GPRIN2: variants seen among roughly 807,000 people sequenced by gnomAD.
GPRIN2 encodes G protein regulated inducer of neurite outgrowth 2, also known as G protein-regulated inducer of neurite outgrowth 2.
GPRIN2 carries 1 observed loss-of-function variant against 0.3 expected under a neutral mutation model. That is an observed-to-expected ratio of 3.90 (90% CI 1.39 to 18.51). GPRIN2 has a LOEUF of 18.51. GPRIN2 is among the 30% of genes most tolerant of loss of function. GPRIN2 has a pLI of 0.11. For synonymous variants in GPRIN2, 361 were observed against 258.6 expected (o/e 1.40, Z -3.80); for missense variants, 880 against 604.2 (o/e 1.46, Z -4.79).
rs1833081377 is a variant in GPRIN2, at chr10:46,541,886, C to G, written c.*7474G>C. Among the ~76,000 whole-genome samples the G allele has an allele frequency of 6.6e-4, 100 of 152,394 alleles. No homozygotes were observed. The highest frequency in any genetic ancestry group is 2.4e-3 in the African/African-American group (99 of 41,576). ...CCTACGGTATCCCAGGTGCCAGCCC[C>G]CTGTGTCCACACCCCTGCTGGTTCC... On this transcript the variant is annotated 3_prime_UTR_variant, in exon 3 of 3. Coordinates refer to ENST00000374314, the MANE Select transcript of GPRIN2 (RefSeq NM_001385282.1).
chr10:46,543,248 C>G lies in GPRIN2; in HGVS notation c.*6112G>C, dbSNP rs7895391. On this transcript the variant is annotated 3_prime_UTR_variant, in exon 3 of 3. Transcript: ENST00000374314. Reference sequence around the variant, plus strand: ...GCCTGGTGGGGGGAATGGCCAAGACCGCAAGAAGAGAGACTACTGTATGGA... The same window carrying G: ...GCCTGGTGGGGGGAATGGCCAAGACGGCAAGAAGAGAGACTACTGTATGGA... Among the ~76,000 whole-genome samples, 8 of 152,298 alleles carry G rather than the reference C, an allele frequency of 5.3e-5. No individual in the cohort carries two copies. Among genetic ancestry groups the G allele is most frequent in the Admixed American group, 4.6e-4 (7 of 15,282 alleles).
rs1832380621 is a variant in GPRIN2, at chr10:46,550,406, C to G, written c.331G>C (p.Ala111Pro). The G allele has an allele frequency of 1.2e-5, 20 of 1,611,666 alleles. No homozygotes were observed. The highest frequency in any genetic ancestry group is 5.0e-5 in the Admixed American group (3 of 59,962). ...MGGSDLCRLR[A>P]PSAAAMQRSH... Reference sequence around the variant, plus strand: ...CTCTGCATAGCAGCAGCACTAGGGGCCCGCAGGCGACACAGGTCACTGCCG... The same window carrying G: ...CTCTGCATAGCAGCAGCACTAGGGGGCCGCAGGCGACACAGGTCACTGCCG... Residue 111 changes from alanine (A) to proline (P), a missense_variant, in exon 3 of 3, where the codon GCC becomes CCC. Ala to Pro is a conservative substitution (Grantham distance 27). Coordinates refer to ENST00000374314, the MANE Select transcript of GPRIN2 (RefSeq NM_001385282.1).
In GPRIN2 at chr10:46,550,725, G is replaced by A. The variant is rs2131587949; in HGVS notation, c.12C>T (p.Ser4=). The A allele has an allele frequency of 6.6e-7, 1 of 1,505,514 alleles. No homozygotes were observed. The highest frequency in any genetic ancestry group is 8.9e-7 in the Non-Finnish European group (1 of 1,129,060). The allele number at this position is 1,505,514 out of a possible 1,614,324, so 93.3% of individuals were successfully genotyped here. A position where few individuals can be genotyped will look rare whatever the true frequency, so the allele number is the denominator to read the frequency against. Residue 4 remains serine, a synonymous_variant, in exon 3 of 3, where the codon AGC becomes AGT. Transcript: ENST00000374314. MSS[S]RPEPGPWAPL... is the part of the protein sequence containing the mutation. ...GTGCCCAGGGACCCGGCTCGGGGCG[G>A]CTGGAGCTCATGGCTGCCTGCAGAA...
At position 46,543,347 on chromosome 10, in the gene GPRIN2, G is replaced by T. The variant is rs1442597150; in HGVS notation, c.*6013C>A. ...AGGAACAAGTACAATGGACAGTGGG[G>T]AGGCAGACAGGTTCTGAATAACCCA... On this transcript the variant is annotated 3_prime_UTR_variant, in exon 3 of 3. Transcript: ENST00000374314. Among the ~76,000 whole-genome samples, 2 of 152,304 alleles carry T rather than the reference G, an allele frequency of 1.3e-5. No homozygotes were observed. The highest frequency in any genetic ancestry group is 2.9e-5 in the Non-Finnish European group (2 of 68,052).
rs983544015 is a variant in GPRIN2 at position 46,542,024 on chromosome 10, A to G, written c.*7336T>C. Among the ~76,000 whole-genome samples, 19 of 152,300 alleles carry G rather than the reference A, an allele frequency of 1.2e-4. No individual in the cohort carries two copies. The highest frequency in any genetic ancestry group is 2.5e-4 in the Non-Finnish European group (17 of 68,046). ...ACCCCCAACTCTGAAGAGAAAAAAA[A>G]TCAAACCAAAGAGTTTTCCTCAAGA... On this transcript the variant is annotated 3_prime_UTR_variant, in exon 3 of 3. Coordinates refer to ENST00000374314, the MANE Select transcript of GPRIN2 (RefSeq NM_001385282.1).
chr10:46,556,466 C>G (rs1831824386), intron 1 of GPRIN2, among the ~76,000 whole-genome samples, 32 bp downstream of exon 1: 19 of 152,278 alleles, frequency 1.2e-4, no homozygotes, highest in Non-Finnish European at 2.9e-5. Flanking sequence ...CGCCCCCCGC[C>G]CCAACGGGAG....
chr10:46,546,309 A>C lies in GPRIN2; in HGVS notation c.*3051T>G, dbSNP rs1163973095. On this transcript the variant is annotated 3_prime_UTR_variant, in exon 3 of 3. Coordinates refer to ENST00000374314, the MANE Select transcript of GPRIN2 (RefSeq NM_001385282.1). The stretch of plus-strand genomic sequence containing the variant: ...GGGGTCCTGAATGCCATGGAAGGAG[A>C]GCAGGTGGGCAGAAGCAGGGAGCCC... Among the ~76,000 whole-genome samples the C allele has an allele frequency of 6.6e-6, 1 of 152,310 alleles. No homozygotes were observed. Among genetic ancestry groups the C allele is most frequent in the African/African-American group, 2.4e-5 (1 of 41,488 alleles).
At position 46,542,595 on chromosome 10, in the gene GPRIN2, C is replaced by T. The variant is rs1833061272; in HGVS notation, c.*6765G>A. Reference sequence around the variant, plus strand: ...TTCCTGTAAGTTTCCTGAGGCTCCCCGGGCCACGTGGAACTGTGAGTCAAT... The same window carrying T: ...TTCCTGTAAGTTTCCTGAGGCTCCCTGGGCCACGTGGAACTGTGAGTCAAT... On this transcript the variant is annotated 3_prime_UTR_variant, in exon 3 of 3. Coordinates refer to ENST00000374314, the MANE Select transcript of GPRIN2 (RefSeq NM_001385282.1). 1.3e-4 allele frequency among the ~76,000 whole-genome samples: 20 copies of T among 152,412 alleles called. No homozygotes were observed. The highest frequency in any genetic ancestry group is 4.3e-4 in the African/African-American group (18 of 41,600).
chr10:46,550,757 A>G lies in GPRIN2; in HGVS notation c.-6-15T>C. On this transcript the variant is annotated splice_polypyrimidine_tract_variant and intron_variant, in intron 2 of 2. Transcript: ENST00000374314. Reference sequence around the variant, plus strand: ...CTCATGGCTGCCTGCAGAAGAGAGAAAGGGAGGGAGTGGAGTTGAGTTGGG... The same window carrying G: ...CTCATGGCTGCCTGCAGAAGAGAGAGAGGGAGGGAGTGGAGTTGAGTTGGG... 1 of 1,495,092 alleles carries G rather than the reference A, an allele frequency of 6.7e-7. No individual in the cohort carries two copies. 92.6% of individuals were successfully genotyped at this position (1,495,092 alleles called of 1,614,324 possible).
At chr10:46,550,869 G>T in intron 2 of GPRIN2, 127 bp from the exon 3 acceptor site, 1 of 1,069,912 alleles carries the variant, frequency 9.3e-7, no homozygotes, top group Non-Finnish European at 1.3e-6. Context: ...TGCCTGACTG[G>T]TCAGAACCAT....
In GPRIN2 at chr10:46,545,128, A is replaced by C. The variant is rs1313462865; in HGVS notation, c.*4232T>G. On this transcript the variant is annotated 3_prime_UTR_variant, in exon 3 of 3. Coordinates refer to ENST00000374314, the MANE Select transcript of GPRIN2 (RefSeq NM_001385282.1). The stretch of plus-strand genomic sequence containing the variant: ...TGAGACAGAGCAATGCATGGAGAAA[A>C]GGGTTGGGCATTTGTGGGCTACAAG... Among the ~76,000 whole-genome samples, 1 of 152,306 alleles carries C rather than the reference A, an allele frequency of 6.6e-6. No individual in the cohort carries two copies. The highest frequency in any genetic ancestry group is 1.5e-5 in the Non-Finnish European group (1 of 68,058).
In GPRIN2 at chr10:46,542,040, T is replaced by G. The variant is rs1313760929; in HGVS notation, c.*7320A>C. Among the ~76,000 whole-genome samples, 2 of 152,306 alleles carry G rather than the reference T, an allele frequency of 1.3e-5. No individual in the cohort carries two copies. Among genetic ancestry groups the G allele is most frequent in the African/African-American group, 4.8e-5 (2 of 41,482 alleles). On this transcript the variant is annotated 3_prime_UTR_variant, in exon 3 of 3. Transcript: ENST00000374314. ...AGAAAAAAAATCAAACCAAAGAGTT[T>G]TCCTCAAGAGTTGCAGGCTGGGCTT...
At position 46,545,201 on chromosome 10, in the gene GPRIN2, C is replaced by T. The variant is rs1842049952; in HGVS notation, c.*4159G>A. Among the ~76,000 whole-genome samples the T allele has an allele frequency of 6.6e-6, 1 of 152,310 alleles. No individual in the cohort carries two copies. Among genetic ancestry groups the T allele is most frequent in the Admixed American group, 6.5e-5 (1 of 15,294 alleles). Reference sequence around the variant, plus strand: ...TGTCAATGGGTGCACCCCCAGATGCCTGTGACTCCCTCTGGTGGTTTCTGT... The same window carrying T: ...TGTCAATGGGTGCACCCCCAGATGCTTGTGACTCCCTCTGGTGGTTTCTGT... On this transcript the variant is annotated 3_prime_UTR_variant, in exon 3 of 3. Transcript: ENST00000374314.
chr10:46,554,357 A>C (rs1842939736), intron 2 of GPRIN2, among the ~76,000 whole-genome samples: 1 of 152,300 alleles, frequency 6.6e-6, no homozygotes, highest in Non-Finnish European at 1.5e-5. Context: ...CCTATCACCA[A>C]ACTAGGTTTC....
chr10:46,544,366 C>G lies in GPRIN2; in HGVS notation c.*4994G>C, dbSNP rs925093091. On this transcript the variant is annotated 3_prime_UTR_variant, in exon 3 of 3. Coordinates refer to ENST00000374314, the MANE Select transcript of GPRIN2 (RefSeq NM_001385282.1). ...TGAAACAGGGTCTGGCTCCGTCATCCAGGCTGGAGCACAGTGGCACTATCT... is the reference window on the plus strand; with the variant it reads ...TGAAACAGGGTCTGGCTCCGTCATCGAGGCTGGAGCACAGTGGCACTATCT... 6.6e-6 allele frequency among the ~76,000 whole-genome samples: 1 copy of G among 152,310 alleles called. No homozygotes were observed.
At position 46,546,282 on chromosome 10, in the gene GPRIN2, C is replaced by G. The variant is rs1832911331; in HGVS notation, c.*3078G>C. On this transcript the variant is annotated 3_prime_UTR_variant, in exon 3 of 3. Coordinates refer to ENST00000374314, the MANE Select transcript of GPRIN2 (RefSeq NM_001385282.1). ...CTATATGAAGAGAGGCTTCAGCTGT[C>G]GGGGGTCCTGAATGCCATGGAAGGA... Among the ~76,000 whole-genome samples the G allele has an allele frequency of 6.6e-6, 1 of 152,426 alleles. No homozygotes were observed. Among genetic ancestry groups the G allele is most frequent in the South Asian group, 2.1e-4 (1 of 4,832 alleles).
chr10:46,545,297 G>A lies in GPRIN2; in HGVS notation c.*4063C>T, dbSNP rs1945010864. ...ACCCTGGGGCTCCTAGAGCTTCCTA[G>A]CCTGCCTGCCAGAGAGCAGAAGTGC... On this transcript the variant is annotated 3_prime_UTR_variant, in exon 3 of 3. Coordinates refer to ENST00000374314, the MANE Select transcript of GPRIN2 (RefSeq NM_001385282.1). Among the ~76,000 whole-genome samples the A allele has an allele frequency of 9.3e-3, 1,414 of 151,516 alleles. No homozygotes were observed. The highest frequency in any genetic ancestry group is 0.015 in the African/African-American group (630 of 41,272).
At position 46,556,533 on chromosome 10, in the gene GPRIN2, C is replaced by T. The variant is rs1228761197; in HGVS notation, c.-153G>A. 1.3e-5 allele frequency among the ~76,000 whole-genome samples: 2 copies of T among 152,242 alleles called. No homozygotes were observed. The highest frequency in any genetic ancestry group is 6.5e-5 in the Admixed American group (1 of 15,290). On this transcript the variant is annotated 5_prime_UTR_variant, in exon 1 of 3. Transcript: ENST00000374314. ...GCCGGGGCCGCGCAGGCGGGGGAAGCGCTGCTCCTGCGGCCGCCACAGGTG... is the reference window on the plus strand; with the variant it reads ...GCCGGGGCCGCGCAGGCGGGGGAAGTGCTGCTCCTGCGGCCGCCACAGGTG...
In GPRIN2 at chr10:46,549,499, A is replaced by G. The variant is rs1832698331; in HGVS notation, c.1238T>C (p.Met413Thr). 1.2e-6 allele frequency: 2 copies of G among 1,612,988 alleles called. No individual in the cohort carries two copies. The highest frequency in any genetic ancestry group is 1.7e-6 in the Non-Finnish European group (2 of 1,179,274). ...LGVAIQKHLE[M>T]QFEQLQRAPA... ...CGCCCGCTGCAGCTGCTCAAACTGCATCTCCAGGTGCTTCTGGATGGCCAC... is the reference window on the plus strand; with the variant it reads ...CGCCCGCTGCAGCTGCTCAAACTGCGTCTCCAGGTGCTTCTGGATGGCCAC... Residue 413 changes from methionine (M) to threonine (T), a missense_variant, in exon 3 of 3, where the codon ATG becomes ACG. Coordinates refer to ENST00000374314, the MANE Select transcript of GPRIN2 (RefSeq NM_001385282.1).
Sources: gnomAD v4.1 joint callset for allele counts (sites outside exome capture counted in the v4.1 genomes callset) on GRCh38, gnomAD v4.1.1 for gene constraint, MANE v1.5 for transcripts, NCBI Gene and HGNC (gene_info 2026-07-23, HGNC 2026-07-21) for gene names.